FSTL5: variants seen among roughly 807,000 people sequenced by gnomAD.
The protein encoded by FSTL5 is follistatin-related protein 5.
In FSTL5, 62 loss-of-function variants were observed where a neutral mutation model predicts 89.1. The observed-to-expected ratio is 0.70, with a 90% CI of 0.57 to 0.86. The LOEUF (loss-of-function observed/expected upper bound fraction) is 0.86, where lower values mean the gene tolerates loss of function less well. Ranked by LOEUF, FSTL5 falls within the 40% of genes least tolerant of loss-of-function variation. FSTL5 has a pLI of 0.00. For synonymous variants in FSTL5, 383 were observed against 346.2 expected, an observed-to-expected ratio of 1.11 and a Z score of -1.18; for missense variants, 1,057 against 1,001.6, an observed-to-expected ratio of 1.06 and a Z score of -0.75.
At chr4:161,409,050 G>T (rs1332385097) in intron 15 of FSTL5, among the ~76,000 whole-genome samples, 2 of 152,004 alleles carry the variant, frequency 1.3e-5, no homozygotes, top group African/African-American at 4.8e-5. Context: ...CAAACCTAAG[G>T]AATACAGAGA....
At position 162,111,411 on chromosome 4, in the gene FSTL5, A is replaced by G. The variant is rs369901609; in HGVS notation, c.-15T>C. The G allele has an allele frequency of 1.9e-6, 3 of 1,589,270 alleles. No homozygotes were observed. Among genetic ancestry groups the G allele is most frequent in the African/African-American group, 2.7e-5 (2 of 74,258 alleles). ...CACTTAAACATCCTTATTGCTTTTC[A>G]CCTGTCAAAATTAAAATTGCAAGGA... On this transcript the variant is annotated splice_region_variant and 5_prime_UTR_variant, in exon 2 of 16. Coordinates refer to ENST00000306100, the MANE Select transcript of FSTL5 (RefSeq NM_020116.5).
intron 6 of FSTL5, among the ~76,000 whole-genome samples, chr4:161,680,793 G>A (rs1173832843): frequency 6.6e-6 from 1 of 151,918 alleles, no homozygotes; most frequent in Non-Finnish European, 1.5e-5. Context: ...GAAAGATTAA[G>A]TAAACATTTC....
intron 11 of FSTL5, 34 bp from the exon 12 acceptor site, chr4:161,500,168 T>C (rs1383830414): frequency 7.4e-7 from 1 of 1,356,062 alleles, no homozygotes; most frequent in Non-Finnish European, 1.0e-6. Context: ...ATGTTCAAAA[T>C]ATAATTATCA....
chr4:162,008,215 A>T (rs1736665412), intron 3 of FSTL5, among the ~76,000 whole-genome samples: 1 of 151,830 alleles, frequency 6.6e-6, no homozygotes, highest in Admixed American at 6.6e-5. Flanking sequence ...AGTCTTGCCA[A>T]CAAATCTTCA....
At chr4:161,749,515 A>G (rs986378801) in intron 6 of FSTL5, among the ~76,000 whole-genome samples, 4 of 152,128 alleles carry the variant, frequency 2.6e-5, no homozygotes, top group African/African-American at 9.7e-5. Flanking sequence ...GAAAGATAAT[A>G]GGCCCGGCGC....
chr4:161,697,951 G>T (rs879894480), intron 6 of FSTL5, among the ~76,000 whole-genome samples: 1 of 151,804 alleles, frequency 6.6e-6, no homozygotes, highest in Non-Finnish European at 1.5e-5. Context: ...GTGTGTGTGT[G>T]TGTGTGTATG....
rs761403599 is a variant in FSTL5 at position 161,587,581 on chromosome 4, A to G, written c.895-6T>C. 6 of 1,586,820 alleles carry G rather than the reference A, an allele frequency of 3.8e-6. No individual in the cohort carries two copies. The highest frequency in any genetic ancestry group is 3.4e-6 in the Non-Finnish European group (4 of 1,167,558). On this transcript the variant is annotated splice_polypyrimidine_tract_variant and splice_region_variant and intron_variant, in intron 7 of 15. Coordinates refer to ENST00000306100, the MANE Select transcript of FSTL5 (RefSeq NM_020116.5). ...GACCCATCATCTCCAAAGTCCTATT[A>G]AAAATAAAATAAAACAAGGTGTTTG...
At chr4:161,889,042 T>C (rs947542594) in intron 4 of FSTL5, among the ~76,000 whole-genome samples, 1 of 152,136 alleles carries the variant, frequency 6.6e-6, no homozygotes, top group Admixed American at 6.6e-5. Context: ...TTGACATACA[T>C]ACAAAATATA....
At chr4:161,455,165 C>A in intron 14 of FSTL5, 37 bp from the exon 15 acceptor site, 2 of 1,524,494 alleles carry the variant, frequency 1.3e-6, no homozygotes, top group Non-Finnish European at 1.8e-6. Context: ...CTCAACAATG[C>A]AGTCACTTCA....
intron 7 of FSTL5, among the ~76,000 whole-genome samples, chr4:161,635,292 G>C (rs368419062): frequency 2.6e-5 from 4 of 152,248 alleles, no homozygotes; most frequent in African/African-American, 7.2e-5. Flanking sequence ...AGAAGGCTGA[G>C]GCAGAGAATT....
At chr4:162,134,331 TA>T (rs1275626377) in intron 1 of FSTL5, among the ~76,000 whole-genome samples, 4 of 152,178 alleles carry the variant, frequency 2.6e-5, no homozygotes, top group Admixed American at 2.6e-4. Context: ...TAACTCAAAG[TA>T]ATCAGTTTTA....
chr4:161,484,410 C>A (rs1247339770), intron 12 of FSTL5, among the ~76,000 whole-genome samples: 1 of 152,168 alleles, frequency 6.6e-6, no homozygotes, highest in Non-Finnish European at 1.5e-5. Flanking sequence ...TCAGAAATAT[C>A]TGCCCTCAAT....
rs747445032 is a variant in FSTL5 at position 161,642,161 on chromosome 4, GCTA to G, written c.894+14164_894+14166del. ...ACTAACATATCCATTACCTCACATG[GCTA>G]CTATTTTTTTTGTGTGTGTGTAGTG... On this transcript the variant is annotated intron_variant, in intron 7 of 15. Transcript: ENST00000306100. Among the ~76,000 whole-genome samples, 4 of 151,936 alleles carry G rather than the reference GCTA, an allele frequency of 2.6e-5. No individual in the cohort carries two copies. The East Asian group carries it at 7.7e-4, about 29-fold the overall frequency.
intron 8 of FSTL5, among the ~76,000 whole-genome samples, chr4:161,545,775 G>A (rs1377218494): frequency 6.6e-6 from 1 of 151,930 alleles, no homozygotes; most frequent in African/African-American, 2.4e-5. Flanking sequence ...GACAGTCATA[G>A]ATGGAATACC....
At chr4:161,920,674 G>T in intron 3 of FSTL5, 22 bp from the exon 4 acceptor site, 2 of 1,509,078 alleles carry the variant, frequency 1.3e-6, no homozygotes, top group South Asian at 1.2e-5. Flanking sequence ...AAAAAAAATT[G>T]AAAATCGTTT....
intron 4 of FSTL5, among the ~76,000 whole-genome samples, chr4:161,910,640 T>A (rs1579186854): frequency 6.6e-6 from 1 of 152,122 alleles, no homozygotes; most frequent in African/African-American, 2.4e-5. Context: ...CTGACAACAT[T>A]TTATCAGTGG....
At chr4:161,555,104 A>T (rs1732344968) in intron 8 of FSTL5, among the ~76,000 whole-genome samples, 1 of 151,608 alleles carries the variant, frequency 6.6e-6, no homozygotes, top group African/African-American at 2.4e-5. Context: ...GCAAAATATA[A>T]ATTAAGAGCA....
intron 3 of FSTL5, among the ~76,000 whole-genome samples, chr4:162,029,329 C>A (rs1488209594): frequency 6.6e-6 from 1 of 152,070 alleles, no homozygotes; most frequent in Non-Finnish European, 1.5e-5. Flanking sequence ...CGAAGAACAA[C>A]TGTGTGGCTT....
intron 3 of FSTL5, among the ~76,000 whole-genome samples, chr4:162,014,601 G>A (rs920421927): frequency 2.0e-5 from 3 of 152,204 alleles, no homozygotes; most frequent in African/African-American, 7.2e-5. Flanking sequence ...TGATAGAAAG[G>A]CAGATGGGCT....
Sources: gnomAD v4.1 joint callset for allele counts (sites outside exome capture counted in the v4.1 genomes callset) on GRCh38, gnomAD v4.1.1 for gene constraint, MANE v1.5 for transcripts, NCBI Gene and HGNC (gene_info 2026-07-23, HGNC 2026-07-21) for gene names.